The following MAML2 variants were observed in gnomAD, a reference collection of about 807,000 sequenced individuals.
The protein encoded by MAML2 is mastermind like transcriptional coactivator 2.
Under a neutral mutation model 96.1 loss-of-function variants are expected in MAML2, and 22 were observed. The observed-to-expected ratio is 0.23, with a 90% confidence interval of 0.16 to 0.33. The LOEUF (loss-of-function observed/expected upper bound fraction) is 0.33. Ranked by LOEUF, MAML2 falls within the 10% of genes least tolerant of loss-of-function variation. The pLI, the probability that MAML2 is intolerant of heterozygous loss-of-function variation, is 1.00. For synonymous variants in MAML2, 561 were observed against 521.3 expected (o/e 1.08, Z -1.04); for missense variants, 1,367 against 1,392.4 (o/e 0.98, Z 0.29).
At chr11:95,997,140 T>C (rs1382918808) in intron 2 of MAML2, among the ~76,000 whole-genome samples, 1 of 152,216 alleles carries the variant, frequency 6.6e-6, no homozygotes, top group African/African-American at 2.4e-5. Flanking sequence ...TCTTTCATTT[T>C]ACATGTTCTT....
intron 1 of MAML2, among the ~76,000 whole-genome samples, chr11:96,104,394 GT>G (rs1378347513): frequency 2.6e-5 from 4 of 152,186 alleles, no homozygotes; most frequent in Non-Finnish European, 4.4e-5. Flanking sequence ...TCATATGTCT[GT>G]GCCAATTTTT....
At chr11:96,260,210 A>G (rs1862728653) in intron 1 of MAML2, among the ~76,000 whole-genome samples, 1 of 151,850 alleles carries the variant, frequency 6.6e-6, no homozygotes, top group Non-Finnish European at 1.5e-5. Flanking sequence ...GGGGAAGCAA[A>G]CTGGCAGACT....
At chr11:96,311,011 A>C (rs541535858) in intron 1 of MAML2, among the ~76,000 whole-genome samples, 1 of 152,352 alleles carries the variant, frequency 6.6e-6, no homozygotes, top group African/African-American at 2.4e-5. Flanking sequence ...CAAGCTAAGT[A>C]CTTTACATGT....
At chr11:96,107,660 G>A (rs1591017367) in intron 1 of MAML2, among the ~76,000 whole-genome samples, 1 of 152,312 alleles carries the variant, frequency 6.6e-6, no homozygotes, top group East Asian at 1.9e-4. Flanking sequence ...TCTGATGAGA[G>A]GTTTGGGACT....
At chr11:96,233,278 AT>A (rs1207829330) in intron 1 of MAML2, among the ~76,000 whole-genome samples, 1 of 152,142 alleles carries the variant, frequency 6.6e-6, no homozygotes. Context: ...CTTTTAAATA[AT>A]TTTTCTTTCA....
chr11:96,232,311 G>A (rs1315718790), intron 1 of MAML2, among the ~76,000 whole-genome samples: 7 of 152,186 alleles, frequency 4.6e-5, no homozygotes, highest in African/African-American at 1.4e-4. Flanking sequence ...AATTAAGTGA[G>A]AAATTGTTTG....
chr11:96,067,168 C>T (rs1859258539), intron 2 of MAML2, among the ~76,000 whole-genome samples: 1 of 152,188 alleles, frequency 6.6e-6, no homozygotes, highest in Non-Finnish European at 1.5e-5. Context: ...ACCTAACATG[C>T]CTTCCCAAAC....
rs1231495226 is a variant in MAML2, at chr11:96,093,385, G to T, written c.646C>A (p.Gln216Lys). ...CCATTGTTTATTTGGAGGCCACCTT[G>T]TCCTGCAGAGAGATTCTCCCCAACA... ...IRVGENLSAGQGGLQINNGQS... is the reference protein window; with the variant it reads ...IRVGENLSAGKGGLQINNGQS... Residue 216 changes from glutamine to lysine, a missense_variant, in exon 2 of 5, where the codon CAA (glutamine) becomes AAA (lysine). By Grantham distance (53) the Gln-to-Lys change is moderately conservative (BLOSUM62 1). Transcript: ENST00000524717. The T allele has an allele frequency of 6.2e-7, 1 of 1,614,034 alleles. No homozygotes were observed.
chr11:96,298,906 G>A (rs1329116219), intron 1 of MAML2, among the ~76,000 whole-genome samples: 6 of 146,430 alleles, frequency 4.1e-5, no homozygotes, highest in South Asian at 4.3e-4. Context: ...TTAGCTGAGC[G>A]TGGTGGCGGG....
chr11:96,295,473 G>T (rs987880886), intron 1 of MAML2, among the ~76,000 whole-genome samples: 1 of 152,140 alleles, frequency 6.6e-6, no homozygotes. Flanking sequence ...TCTGCTGAAG[G>T]CCTAAGAGTT....
rs117615831 is a variant in MAML2, at chr11:96,241,996, A to G, written c.513+99387T>C. Among the ~76,000 whole-genome samples the G allele has an allele frequency of 2.6e-4, 39 of 152,354 alleles. No individual in the cohort carries two copies. The East Asian group carries it at 7.1e-3, about 28-fold the overall frequency. ...GCTTTGGGTTATGGTTACTTGTTAT[A>G]TATCTTTGCATGAGAGCCCATGCAA... On this transcript the variant is annotated intron_variant, in intron 1 of 4. Coordinates refer to ENST00000524717, the MANE Select transcript of MAML2 (RefSeq NM_032427.4).
intron 2 of MAML2, among the ~76,000 whole-genome samples, chr11:96,068,471 CACACACAGAG>C (rs1457161925): frequency 3.3e-5 from 5 of 150,252 alleles, no homozygotes; most frequent in Non-Finnish European, 5.9e-5. Flanking sequence ...CACACACACA[CACACACAGAG>C]GGAGGGAGGG....
At chr11:96,100,137 T>C (rs563044304) in intron 1 of MAML2, among the ~76,000 whole-genome samples, 13 of 152,300 alleles carry the variant, frequency 8.5e-5, no homozygotes, top group Non-Finnish European at 1.9e-4. Context: ...CCATCTGGAC[T>C]CCATGCCCTT....
In MAML2 at chr11:96,219,532, G is replaced by A. The variant is rs1006851485; in HGVS notation, c.513+121851C>T. On this transcript the variant is annotated intron_variant, in intron 1 of 4. Coordinates refer to ENST00000524717, the MANE Select transcript of MAML2 (RefSeq NM_032427.4). ...AGCCTTGCACCGTGATTTACAGCAT[G>A]AGCCTAGGAGTCAGACCAATTTTGG... Among the ~76,000 whole-genome samples, 7 of 152,304 alleles carry A rather than the reference G, an allele frequency of 4.6e-5. No homozygotes were observed. The South Asian group carries it at 8.3e-4, about 18-fold the overall frequency.
intron 2 of MAML2, among the ~76,000 whole-genome samples, chr11:96,089,788 T>A (rs956343448): frequency 2.6e-5 from 4 of 151,948 alleles, no homozygotes; most frequent in Non-Finnish European, 4.4e-5. Flanking sequence ...AATGGGTGGC[T>A]ACTCCCTGTA....
chr11:96,121,911 C>T lies in MAML2; in HGVS notation c.514-28394G>A, dbSNP rs1860350768. ...ACGCGATTCTGCTGCTCCAGCCTCC[C>T]TAGCAGCTGGGACTACAGGCACCCG... On this transcript the variant is annotated intron_variant, in intron 1 of 4. Transcript: ENST00000524717. 2.1e-5 allele frequency among the ~76,000 whole-genome samples: 3 copies of T among 143,130 alleles called. No homozygotes were observed. The South Asian group carries it at 6.7e-4, about 32-fold the overall frequency. The allele number at this position is 143,130 out of a possible 152,430, so 93.9% of individuals were successfully genotyped here.
intron 1 of MAML2, among the ~76,000 whole-genome samples, chr11:96,169,679 G>A (rs894246833): frequency 8.5e-6 from 1 of 117,696 alleles, no homozygotes; most frequent in African/African-American, 3.4e-5. Context: ...TTTTTGAGAT[G>A]GAGTCTAGCT....
intron 2 of MAML2, among the ~76,000 whole-genome samples, chr11:96,066,848 G>C (rs1859252166): frequency 6.6e-6 from 1 of 152,112 alleles, no homozygotes; most frequent in Admixed American, 6.5e-5. Flanking sequence ...AATAAACCCA[G>C]GTAAAAAGAA....
Position 96,092,328 on chromosome 11 carries a change from T to C in MAML2, c.1703A>G (p.Asn568Ser). Residue 568 changes from asparagine (N) to serine (S), a missense_variant, in exon 2 of 5, where the codon AAC (asparagine) becomes AGC (serine). Transcript: ENST00000524717. The surrounding 1 kb of genome is among the most constrained non-coding windows in gnomAD (Gnocchi z 4.1). ...PLFHFNSDQA[N>S]QQMPSVLPSQ... ...AGGCAAAACAGAAGGCATCTGCTGG[T>C]TCGCTTGATCTGAGTTAAAATGAAA... 2 of 1,602,906 alleles carry C rather than the reference T, an allele frequency of 1.2e-6. No individual in the cohort carries two copies. The highest frequency in any genetic ancestry group is 1.7e-6 in the Non-Finnish European group (2 of 1,174,528).
Sources: allele counts gnomAD v4.1 joint callset (sites outside exome capture counted in the v4.1 genomes callset), GRCh38; gene constraint gnomAD v4.1.1; non-coding constraint Gnocchi (gnomAD v3.1); transcripts MANE v1.5; gene names NCBI Gene and HGNC (gene_info 2026-07-23, HGNC 2026-07-21).